The following MIA2 variants were observed in gnomAD, a reference collection of about 807,000 sequenced individuals.
The protein encoded by MIA2 is MIA SH3 domain ER export factor 2, also known as melanoma inhibitory activity protein 2.
In MIA2, 127 loss-of-function variants were observed where a neutral mutation model predicts 167.8. That is an observed-to-expected ratio of 0.76 (90% confidence interval 0.66 to 0.88). The LOEUF (loss-of-function observed/expected upper bound fraction) is 0.88, where lower values mean the gene tolerates loss of function less well. Among genes scored for constraint, MIA2 ranks in the 40% least tolerant of loss-of-function variants. The probability of loss-of-function intolerance (pLI) is 0.00; values close to 1 mark genes in which losing one functional copy is unlikely to be tolerated. For missense variants in MIA2, 1,690 were observed against 1,624.7 expected, an observed-to-expected ratio of 1.04 and a Z score of -0.69; for synonymous variants, 552 against 541.9, an observed-to-expected ratio of 1.02 and a Z score of -0.26.
intron 4 of MIA2, among the ~76,000 whole-genome samples, chr14:39,248,825 G>A (rs892517237): frequency 5.3e-5 from 8 of 150,902 alleles, no homozygotes; most frequent in East Asian, 2.0e-4. Flanking sequence ...CCGCAGCCTC[G>A]ACCTCCTGGG....
At chr14:39,287,911 C>T (rs2060039688) in intron 9 of MIA2, among the ~76,000 whole-genome samples, 1 of 152,126 alleles carries the variant, frequency 6.6e-6, no homozygotes, top group Non-Finnish European at 1.5e-5. Context: ...GTGGCATGCT[C>T]ATGGCTCACT....
exon 24 of MIA2, chr14:39,386,951 G>C (rs1488106804): frequency 9.0e-6 from 7 of 781,728 alleles, no homozygotes; most frequent in Non-Finnish European, 1.3e-5. Context: ...CCCCAGAAAT[G>C]AAGCCGAAGC....
chr14:39,350,946 C>T (rs1406484647), downstream of MIA2: 6 of 125,936 alleles, frequency 4.8e-5, no homozygotes, highest in South Asian at 2.6e-4. Context: ...GTTTCTTGCA[C>T]GGTTTCTTTA....
chr14:39,300,165 C>T (rs2062155923), intron 14 of MIA2, among the ~76,000 whole-genome samples, 179 bp downstream of exon 14: 2 of 152,156 alleles, frequency 1.3e-5, no homozygotes, highest in Admixed American at 6.5e-5. Context: ...TACACATACA[C>T]ACACACATAC....
intron 6 of MIA2, among the ~76,000 whole-genome samples, chr14:39,273,005 G>A (rs1449007347): frequency 6.6e-6 from 1 of 152,054 alleles, no homozygotes; most frequent in Non-Finnish European, 1.5e-5. Flanking sequence ...TTTGTATTCT[G>A]CAACTTTGCT....
intron 9 of MIA2, among the ~76,000 whole-genome samples, chr14:39,280,784 A>AT (rs911079067): frequency 6.6e-6 from 1 of 150,752 alleles, no homozygotes; most frequent in Non-Finnish European, 1.5e-5. Context: ...TGTTTTTATC[A>AT]TTTTTTCTTG....
At position 39,293,368 on chromosome 14, in the gene MIA2, A is replaced by T. The variant is rs757469583; in HGVS notation, c.2306A>T (p.Glu769Val). 2.5e-6 allele frequency: 4 copies of T among 1,584,506 alleles called. No individual in the cohort carries two copies. In the Admixed American group the frequency reaches 6.9e-5, roughly 27 times the overall value. Reference protein sequence around the residue: ...ELKEEKSKHSEQDELMADISK... With the variant: ...ELKEEKSKHSVQDELMADISK... ...AAAGAAGAGAAATCCAAACATTCTG[A>T]ACAAGATGAATTGGTAAGGCTTTTT... The change falls in exon 11 of 29, where the codon GAA becomes GTA. Residue 769 changes from glutamate (E) to valine (V), a missense_variant. Physicochemically the swap from Glu to Val is moderately radical, Grantham distance 121. Coordinates refer to ENST00000640607, the MANE Select transcript of MIA2 (RefSeq NM_001329214.4).
At chr14:39,286,612 GATC>G (rs1044002061) in intron 9 of MIA2, among the ~76,000 whole-genome samples, 1 of 151,726 alleles carries the variant, frequency 6.6e-6, no homozygotes, top group Non-Finnish European at 1.5e-5. Flanking sequence ...CTACATATAG[GATC>G]ATGTCATCTG....
intron 13 of MIA2, among the ~76,000 whole-genome samples, chr14:39,295,413 C>A (rs2061290216): frequency 6.6e-6 from 1 of 152,098 alleles, no homozygotes; most frequent in African/African-American, 2.4e-5. Flanking sequence ...CTCTTTCTCC[C>A]CCACATACAT....
chr14:39,277,766 A>ATATGTGTG (rs1555358790), intron 7 of MIA2, among the ~76,000 whole-genome samples: 3 of 42,722 alleles, frequency 7.0e-5, no homozygotes, highest in South Asian at 2.3e-3. Context: ...ATATATATAT[A>ATATGTGTG]TATATATATA....
At chr14:39,287,760 A>G (rs1041988187) in intron 9 of MIA2, among the ~76,000 whole-genome samples, 6 of 151,382 alleles carry the variant, frequency 4.0e-5, no homozygotes, top group Non-Finnish European at 7.4e-5. Flanking sequence ...ACGGGGTTTC[A>G]CCATGTTGGC....
At chr14:39,288,118 C>T (rs1192305781) in intron 9 of MIA2, among the ~76,000 whole-genome samples, 3 of 152,062 alleles carry the variant, frequency 2.0e-5, no homozygotes, top group African/African-American at 7.2e-5. Context: ...AGCCACCACA[C>T]CTGGCCAGAA....
chr14:39,308,095 CAT>C (rs1483071147), intron 17 of MIA2, among the ~76,000 whole-genome samples: 1 of 151,984 alleles, frequency 6.6e-6, no homozygotes, highest in East Asian at 1.9e-4. Flanking sequence ...CTTTATTTGT[CAT>C]ATTGTTATTT....
At chr14:39,234,306 A>G in intron 1 of MIA2, 77 bp downstream of exon 1, 2 of 833,348 alleles carry the variant, frequency 2.4e-6, no homozygotes, top group South Asian at 1.7e-5. Flanking sequence ...GTGGTCACGC[A>G]TGATAAAAAT....
Position 39,291,201 on chromosome 14 carries a change from G to A in MIA2, c.2208+105G>A, listed in dbSNP as rs1253642592. Reference sequence around the variant, plus strand: ...AAAACTATTTGAAAAAAATGTGAAAGAGCATCTCTGGATGTTAAAACTTAA... The same window carrying A: ...AAAACTATTTGAAAAAAATGTGAAAAAGCATCTCTGGATGTTAAAACTTAA... On this transcript the variant is annotated intron_variant, in intron 10 of 28. Coordinates refer to ENST00000640607, the MANE Select transcript of MIA2 (RefSeq NM_001329214.4). The A allele has an allele frequency of 6.6e-6, 6 of 915,048 alleles. No homozygotes were observed. The East Asian group carries it at 1.4e-4, about 21-fold the overall frequency. 56.7% of individuals were successfully genotyped at this position (915,048 alleles called of 1,614,324 possible).
chr14:39,301,735 AAAT>A (rs1218163719), intron 14 of MIA2, among the ~76,000 whole-genome samples: 3 of 152,234 alleles, frequency 2.0e-5, no homozygotes, highest in Admixed American at 2.0e-4. Flanking sequence ...AATCAACTAA[AAAT>A]CTACGATCTT....
Position 39,236,979 on chromosome 14 carries a change from T to C in MIA2, c.173T>C (p.Leu58Pro). The C allele has an allele frequency of 6.2e-7, 1 of 1,614,040 alleles. No homozygotes were observed. Among genetic ancestry groups the C allele is most frequent in the Middle Eastern group, 1.6e-4 (1 of 6,062 alleles). Residue 58 changes from leucine to proline, a missense_variant, in exon 2 of 29, where the codon CTG becomes CCG. Transcript: ENST00000640607. ...RDYRGPDCRYLNFTKGEEISV... is the reference protein window; with the variant it reads ...RDYRGPDCRYPNFTKGEEISV... The stretch of plus-strand genomic sequence containing the variant: ...TATAGAGGACCTGACTGCCGATACC[T>C]GAACTTCACTAAGGGAGAAGAGATA...
Position 39,248,120 on chromosome 14 carries a change from A to G in MIA2, c.1546A>G (p.Lys516Glu), listed in dbSNP as rs2054391648. The part of the protein sequence containing the change: ...PTDNTKVMIF[K>E]SSYSLSDMVS... ...AGATAATACAAAAGTTATGATATTC[A>G]AAAGTTCATACAGTCTGTCAGGTTG... Residue 516 changes from lysine (K) to glutamate (E), a missense_variant, in exon 4 of 29, where the codon AAA (lysine) becomes GAA (glutamate). Transcript: ENST00000640607. 1 of 1,500,584 alleles carries G rather than the reference A, an allele frequency of 6.7e-7. No homozygotes were observed. The highest frequency in any genetic ancestry group is 2.3e-5 in the East Asian group (1 of 42,822). The allele number at this position is 1,500,584 out of a possible 1,614,324, so 93.0% of individuals were successfully genotyped here. A position where few individuals can be genotyped will look rare whatever the true frequency, so the allele number is the denominator to read the frequency against.
At chr14:39,384,567 G>C (rs532366152) in intron 23 of MIA2, among the ~76,000 whole-genome samples, 3 of 152,208 alleles carry the variant, frequency 2.0e-5, no homozygotes, top group Admixed American at 6.5e-5. Flanking sequence ...GGAGGGGTCT[G>C]ATCTTTTGTT....
Sources: allele counts gnomAD v4.1 joint callset (sites outside exome capture counted in the v4.1 genomes callset), GRCh38; gene constraint gnomAD v4.1.1; transcripts MANE v1.5; gene names NCBI Gene and HGNC (gene_info 2026-07-23, HGNC 2026-07-21).